The following NR3C2 variants were observed in gnomAD, a reference collection of about 807,000 sequenced individuals.
NR3C2 encodes nuclear receptor subfamily 3 group C member 2.
Under a neutral mutation model 86.4 loss-of-function variants are expected in NR3C2, and 15 were observed. The observed-to-expected ratio is 0.17, with a 90% CI of 0.12 to 0.27. NR3C2 has a LOEUF of 0.27. Among genes scored for constraint, NR3C2 ranks in the 10% least tolerant of loss-of-function variants. The pLI, the probability that NR3C2 is intolerant of heterozygous loss-of-function variation, is 1.00. For missense variants in NR3C2, 960 were observed against 1,195.6 expected, an observed-to-expected ratio of 0.80 and a Z score of 2.91; for synonymous variants, 458 against 450.5, an observed-to-expected ratio of 1.02 and a Z score of -0.21.
At chr4:148,129,315 G>C (rs1032371087) in intron 6 of NR3C2, among the ~76,000 whole-genome samples, 2 of 152,186 alleles carry the variant, frequency 1.3e-5, no homozygotes, top group Middle Eastern at 3.2e-3. Context: ...ATCTAAAGTA[G>C]TCACACTCAT....
chr4:148,269,169 A>T (rs191166027), intron 2 of NR3C2, among the ~76,000 whole-genome samples: 1 of 152,236 alleles, frequency 6.6e-6, no homozygotes, highest in East Asian at 1.9e-4. Flanking sequence ...TAGGCAGGGA[A>T]AGAAGAGCTT....
intron 2 of NR3C2, among the ~76,000 whole-genome samples, chr4:148,339,865 G>C (rs1038332280): frequency 2.6e-5 from 4 of 151,976 alleles, no homozygotes; most frequent in Admixed American, 2.6e-4. Context: ...AGAATACAAA[G>C]TCAACATACA....
intron 2 of NR3C2, among the ~76,000 whole-genome samples, chr4:148,392,373 T>G (rs533347039): frequency 6.6e-6 from 1 of 152,362 alleles, no homozygotes; most frequent in South Asian, 2.1e-4. Flanking sequence ...TTTACTGAAT[T>G]CACTATAGGA....
At chr4:148,432,912 T>C (rs1006476606) in intron 2 of NR3C2, among the ~76,000 whole-genome samples, 2 of 152,200 alleles carry the variant, frequency 1.3e-5, no homozygotes, top group Non-Finnish European at 2.9e-5. Context: ...ATCATTAATC[T>C]ATAAGAGATA....
intron 4 of NR3C2, among the ~76,000 whole-genome samples, chr4:148,156,273 A>C (rs1734382156): frequency 6.6e-6 from 1 of 152,236 alleles, no homozygotes; most frequent in Non-Finnish European, 1.5e-5. Flanking sequence ...GGATCTAATT[A>C]AACTGAAGAG....
At chr4:148,082,113 A>G (rs1322277403) in intron 8 of NR3C2, among the ~76,000 whole-genome samples, 1 of 152,222 alleles carries the variant, frequency 6.6e-6, no homozygotes, top group Non-Finnish European at 1.5e-5. Flanking sequence ...CTCTTCAGCT[A>G]CTTCCTATTT....
At chr4:148,426,928 C>G (rs1428537878) in intron 2 of NR3C2, among the ~76,000 whole-genome samples, 2 of 151,814 alleles carry the variant, frequency 1.3e-5, no homozygotes, top group Non-Finnish European at 2.9e-5. Flanking sequence ...TGCTCCAAAC[C>G]TATTATTGAC....
chr4:148,209,339 G>A (rs138132204), intron 3 of NR3C2, among the ~76,000 whole-genome samples: 270 of 152,252 alleles, frequency 1.8e-3, no homozygotes, highest in African/African-American at 6.0e-3. Flanking sequence ...AATCACGGGT[G>A]GGCTATCACA....
intron 3 of NR3C2, among the ~76,000 whole-genome samples, chr4:148,215,202 C>A (rs1350827574): frequency 6.6e-6 from 1 of 152,192 alleles, no homozygotes; most frequent in Non-Finnish European, 1.5e-5. Context: ...CAGGCATGTC[C>A]CTGAATGGTG....
At chr4:148,200,366 C>T (rs1450480833) in intron 3 of NR3C2, among the ~76,000 whole-genome samples, 1 of 151,942 alleles carries the variant, frequency 6.6e-6, no homozygotes, top group Non-Finnish European at 1.5e-5. Flanking sequence ...ACACAGCCCC[C>T]TTCCCGCCTG....
At chr4:148,198,153 T>C (rs959169432) in intron 3 of NR3C2, among the ~76,000 whole-genome samples, 8 of 152,114 alleles carry the variant, frequency 5.3e-5, no homozygotes, top group East Asian at 1.9e-4. Flanking sequence ...AAATGCCTTA[T>C]GGACTTAAAA....
intron 2 of NR3C2, among the ~76,000 whole-genome samples, chr4:148,394,479 A>G (rs1160433318): frequency 6.6e-6 from 1 of 151,816 alleles, no homozygotes; most frequent in Admixed American, 6.6e-5. Context: ...CAAGAGTTCA[A>G]GACCAGCCTG....
rs1319227141 is a variant in NR3C2 at position 148,140,092 on chromosome 4, A to T, written c.2510+12377T>A. ...GTCTTGTGGCCTGTGTCAAGGGGGG[A>T]GTCTGGAGCCTTCCTTTGTTTTAGA... is the stretch of plus-strand genomic sequence containing the variant. On this transcript the variant is annotated intron_variant, in intron 6 of 8. Transcript: ENST00000358102. 2.6e-5 allele frequency among the ~76,000 whole-genome samples: 4 copies of T among 151,990 alleles called. No homozygotes were observed. In the East Asian group the frequency reaches 7.7e-4, roughly 29 times the overall value.
chr4:148,247,681 A>G (rs999261326), intron 3 of NR3C2, among the ~76,000 whole-genome samples: 1 of 151,664 alleles, frequency 6.6e-6, no homozygotes. Flanking sequence ...TGCCTAGTCC[A>G]TAGTAAGCAC....
chr4:148,386,901 C>T (rs1015617202), intron 2 of NR3C2, among the ~76,000 whole-genome samples: 5 of 152,206 alleles, frequency 3.3e-5, no homozygotes, highest in Non-Finnish European at 1.5e-5. Flanking sequence ...CTCTACTCCG[C>T]AGTCTCTGGC....
chr4:148,393,402 T>G (rs944090630), intron 2 of NR3C2, among the ~76,000 whole-genome samples: 8 of 152,146 alleles, frequency 5.3e-5, no homozygotes, highest in African/African-American at 1.7e-4. Flanking sequence ...AGGTCTTGGG[T>G]AGATCCCTGA....
chr4:148,332,572 C>T (rs906763480), intron 2 of NR3C2, among the ~76,000 whole-genome samples: 1 of 152,220 alleles, frequency 6.6e-6, no homozygotes, highest in African/African-American at 2.4e-5. Flanking sequence ...CAAGATGCTC[C>T]GTACCAAAAT....
chr4:148,168,664 C>T (rs1734990411), intron 4 of NR3C2, among the ~76,000 whole-genome samples: 1 of 152,244 alleles, frequency 6.6e-6, no homozygotes, highest in African/African-American at 2.4e-5. Flanking sequence ...AAAAACCTCT[C>T]CCAAGGCCAT....
intron 2 of NR3C2, among the ~76,000 whole-genome samples, chr4:148,314,547 T>C (rs1743070895): frequency 6.6e-6 from 1 of 152,132 alleles, no homozygotes. Flanking sequence ...AGTGAAGCCT[T>C]TAATACAGTA....
Sources: allele counts gnomAD v4.1 joint callset (sites outside exome capture counted in the v4.1 genomes callset), GRCh38; gene constraint gnomAD v4.1.1; transcripts MANE v1.5; gene names NCBI Gene and HGNC (gene_info 2026-07-23, HGNC 2026-07-21).